The following PRKD3 variants were observed in gnomAD, a reference collection of about 807,000 sequenced individuals.
PRKD3 encodes the protein serine/threonine-protein kinase D3.
PRKD3 carries 47 observed loss-of-function variants against 99.2 expected under a neutral mutation model. The ratio of observed to expected loss-of-function variants is 0.47; its 90% CI spans 0.38 to 0.60. The LOEUF (loss-of-function observed/expected upper bound fraction) is 0.60. Ranked by LOEUF, PRKD3 falls within the 20% of genes least tolerant of loss-of-function variation. The pLI, the probability that PRKD3 is intolerant of heterozygous loss-of-function variation, is 0.00. For missense variants in PRKD3, 1,019 were observed against 1,088.4 expected (o/e 0.94, Z 0.90); for synonymous variants, 392 against 355.4 (o/e 1.10, Z -1.16).
rs1670525376 is a variant in PRKD3, at chr2:37,293,229, G to A, written c.331C>T (p.Leu111Phe). Reference sequence around the variant, plus strand: ...TCTGAGTTCATGTCATGGCGAAAGAGAAGAATTTTGTCATACATGCCAAAG... The same window carrying A: ...TCTGAGTTCATGTCATGGCGAAAGAAAAGAATTTTGTCATACATGCCAAAG... Reference protein sequence around the residue: ...GFFGMYDKILLFRHDMNSENI... With the variant: ...GFFGMYDKILFFRHDMNSENI... The change falls in exon 3 of 19, where the codon CTC becomes TTC. Residue 111 changes from leucine to phenylalanine, a missense_variant. Leu to Phe is a conservative substitution (Grantham distance 22, BLOSUM62 0). This residue lies in a region of PRKD3 where 710 missense variants were observed against 692.7 expected (regional missense o/e 1.02). Coordinates refer to ENST00000234179, the MANE Select transcript of PRKD3 (RefSeq NM_005813.6). 6.2e-7 allele frequency: 1 copy of A among 1,603,902 alleles called. No homozygotes were observed. The highest frequency in any genetic ancestry group is 8.5e-7 in the Non-Finnish European group (1 of 1,172,244).
At chr2:37,300,013 C>A (rs1019188185) in intron 2 of PRKD3, among the ~76,000 whole-genome samples, 6 of 152,180 alleles carry the variant, frequency 3.9e-5, no homozygotes, top group African/African-American at 1.4e-4. Flanking sequence ...ATCCAGCAAT[C>A]TCGCTACAGG....
intron 14 of PRKD3, 22 bp downstream of exon 14, chr2:37,267,408 G>T: frequency 6.8e-7 from 1 of 1,478,276 alleles, no homozygotes; most frequent in Non-Finnish European, 9.3e-7. Context: ...TAATAAACCA[G>T]TTTTTTATTT....
intron 5 of PRKD3, 51 bp from the exon 6 acceptor site, chr2:37,286,420 A>T: frequency 6.7e-7 from 1 of 1,482,168 alleles, no homozygotes; most frequent in Non-Finnish European, 9.3e-7. Flanking sequence ...AAAACAGAGT[A>T]GTGGGAGCAG....
At chr2:37,267,966 T>C (rs1011499122) in intron 13 of PRKD3, 13 of 189,604 alleles carry the variant, frequency 6.9e-5, no homozygotes, top group Non-Finnish European at 1.3e-4. Context: ...TTCTAGAATC[T>C]AGATATAAAA....
At chr2:37,310,444 C>T (rs1359433132) in intron 2 of PRKD3, among the ~76,000 whole-genome samples, 1 of 152,160 alleles carries the variant, frequency 6.6e-6, no homozygotes, top group Non-Finnish European at 1.5e-5. Context: ...CAAGATTACA[C>T]AACTAATAAG....
chr2:37,271,264 T>C (rs1669244874), intron 12 of PRKD3, among the ~76,000 whole-genome samples: 1 of 152,116 alleles, frequency 6.6e-6, no homozygotes. Flanking sequence ...AAACTCCAGC[T>C]TGTGGGCAAA....
intron 17 of PRKD3, among the ~76,000 whole-genome samples, chr2:37,255,825 G>C (rs1241267185): frequency 6.6e-6 from 1 of 152,152 alleles, no homozygotes; most frequent in Non-Finnish European, 1.5e-5. Context: ...GGGCAACATA[G>C]TGGGACCCCA....
At chr2:37,253,397 C>G in intron 18 of PRKD3, 47 bp from the exon 19 acceptor site, 4 of 1,506,218 alleles carry the variant, frequency 2.7e-6, no homozygotes, top group Non-Finnish European at 3.6e-6. Context: ...AAACAAAATA[C>G]TGTCAACCTG....
At chr2:37,261,299 A>G (rs1338548828) in intron 14 of PRKD3, among the ~76,000 whole-genome samples, 1 of 150,076 alleles carries the variant, frequency 6.7e-6, no homozygotes, top group Non-Finnish European at 1.5e-5. Context: ...CCAGCGTAGC[A>G]AACACGGTGA....
intron 11 of PRKD3, among the ~76,000 whole-genome samples, chr2:37,273,208 A>G (rs1669390721): frequency 6.6e-6 from 1 of 152,214 alleles, no homozygotes; most frequent in Non-Finnish European, 1.5e-5. Flanking sequence ...TATCTTTTAA[A>G]GAGTGTGTAA....
At position 37,274,550 on chromosome 2, in the gene PRKD3, GATT is replaced by G. The variant is rs866539334; in HGVS notation, c.1519_1521del (p.Asn507del). 6.2e-7 allele frequency: 1 copy of G among 1,614,116 alleles called. No homozygotes were observed. The highest frequency in any genetic ancestry group is 1.3e-5 in the African/African-American group (1 of 75,030). Reference sequence around the variant, plus strand: ...CCAACTCCAGTGGCAGCAAGAACAGGATTATGAGAGCTGTCCCCATTGTTCTCA... The same window carrying G: ...CCAACTCCAGTGGCAGCAAGAACAGGATGAGAGCTGTCCCCATTGTTCTCA... On this transcript the variant is annotated inframe_deletion, in exon 11 of 19. Coordinates refer to ENST00000234179, the MANE Select transcript of PRKD3 (RefSeq NM_005813.6).
chr2:37,268,689 A>T (rs1274506834), intron 13 of PRKD3: 1 of 186,304 alleles, frequency 5.4e-6, no homozygotes, highest in Non-Finnish European at 1.1e-5. Flanking sequence ...AAAAATGTGC[A>T]CTAGAAGAGA....
chr2:37,274,489 C>G lies in PRKD3; in HGVS notation c.1583G>C (p.Arg528Pro). 1 of 1,614,094 alleles carries G rather than the reference C, an allele frequency of 6.2e-7. No individual in the cohort carries two copies. ...AGGAGTAACAGGCATGAGGGCTTGG[C>G]GAATTGCTTTTTCCCAGCTCTGTGC... ...DVAQSWEKAI[R>P]QALMPVTPQA... The change falls in exon 11 of 19, where the codon CGC becomes CCC. Residue 528 changes from arginine to proline, a missense_variant. Physicochemically the swap from Arg to Pro is moderately radical, Grantham distance 103. Transcript: ENST00000234179.
At position 37,293,057 on chromosome 2, in the gene PRKD3, G is replaced by A. The variant is rs890411171; in HGVS notation, c.427+76C>T. The A allele has an allele frequency of 1.7e-5, 22 of 1,331,416 alleles. No homozygotes were observed. In the Admixed American group the frequency reaches 3.2e-4, roughly 19 times the overall value. 82.5% of individuals were successfully genotyped at this position (1,331,416 alleles called of 1,614,324 possible). A position where few individuals can be genotyped will look rare whatever the true frequency, so the allele number is the denominator to read the frequency against. On this transcript the variant is annotated intron_variant, in intron 3 of 18. Coordinates refer to ENST00000234179, the MANE Select transcript of PRKD3 (RefSeq NM_005813.6). ...AATAATACAAAGACTAAATATAATC[G>A]AATTGCAGCATTTAGTACAGAAAAT...
chr2:37,318,597 G>A (rs12052389), intron 1 of PRKD3, among the ~76,000 whole-genome samples: 1 of 152,316 alleles, frequency 6.6e-6, no homozygotes, highest in East Asian at 1.9e-4. Flanking sequence ...CAGAAAGACA[G>A]ACTGCTCAAC....
At chr2:37,292,407 G>A (rs1047595964) in intron 3 of PRKD3, among the ~76,000 whole-genome samples, 9 of 150,464 alleles carry the variant, frequency 6.0e-5, no homozygotes, top group Non-Finnish European at 8.9e-5. Flanking sequence ...GTGCAGTGGT[G>A]CGATCTCGGC....
chr2:37,251,538 G>GAT lies in PRKD3; in HGVS notation c.*1637_*1638dup, dbSNP rs1667493088. The GAT allele has an allele frequency of 6.6e-6, 1 of 152,136 alleles. No individual in the cohort carries two copies. The highest frequency in any genetic ancestry group is 2.1e-4 in the South Asian group (1 of 4,824). The allele number at this position is 152,136 out of a possible 1,614,324, so 9.4% of individuals were successfully genotyped here. A position where few individuals can be genotyped will look rare whatever the true frequency, so the allele number is the denominator to read the frequency against. On this transcript the variant is annotated 3_prime_UTR_variant, in exon 19 of 19. Transcript: ENST00000234179. ...TACTGTTTGCTACTATTCTTTCAAG[G>GAT]ATATTTTTAGTCTAGACAGGAGACT...
At chr2:37,269,836 G>A (rs951357252) in intron 12 of PRKD3, 149 bp from the exon 13 acceptor site, 1 of 620,700 alleles carries the variant, frequency 1.6e-6, no homozygotes, top group Non-Finnish European at 2.7e-6. Flanking sequence ...GAAAACACAG[G>A]CTTTCTATGT....
intron 15 of PRKD3, 74 bp downstream of exon 15, chr2:37,260,149 G>T (rs1668303827): frequency 6.7e-6 from 9 of 1,342,840 alleles, no homozygotes; most frequent in Non-Finnish European, 9.2e-6. Context: ...AGGTGACAGA[G>T]TAAGACTCTT....
Sources: gnomAD v4.1 joint callset for allele counts (sites outside exome capture counted in the v4.1 genomes callset) on GRCh38, gnomAD v4.1.1 for gene constraint, gnomAD v4.1.1 regional missense constraint, MANE v1.5 for transcripts, NCBI Gene and HGNC (gene_info 2026-07-23, HGNC 2026-07-21) for gene names.